The following PACSIN2 variants were observed in gnomAD, a reference collection of about 807,000 sequenced individuals.
PACSIN2 encodes protein kinase C and casein kinase substrate in neurons protein 2.
In PACSIN2, 25 loss-of-function variants were observed where a neutral mutation model predicts 63.8. That is an observed-to-expected ratio of 0.39 (90% CI 0.29 to 0.55). PACSIN2 has a LOEUF of 0.55. Ranked by LOEUF, PACSIN2 falls within the 20% of genes least tolerant of loss-of-function variation. The pLI is 0.62. For synonymous variants in PACSIN2, 255 were observed against 256.2 expected (o/e 1.00, Z 0.05); for missense variants, 518 against 646.9 (o/e 0.80, Z 2.16).
chr22:42,942,026 C>T (rs1201767027), intron 1 of PACSIN2, among the ~76,000 whole-genome samples: 1 of 152,046 alleles, frequency 6.6e-6, no homozygotes, highest in Non-Finnish European at 1.5e-5. Context: ...ATCTGCCCGC[C>T]TCTGCCTCCC....
chr22:42,971,439 C>A (rs1310030348), intron 1 of PACSIN2, among the ~76,000 whole-genome samples: 1 of 152,204 alleles, frequency 6.6e-6, no homozygotes, highest in Non-Finnish European at 1.5e-5. Context: ...TCGCTACAAC[C>A]CCCACCTCCC....
Position 43,010,006 on chromosome 22 carries a change from A to G in PACSIN2, c.-78+5015T>C, listed in dbSNP as rs761162806. On this transcript the variant is annotated intron_variant, in intron 1 of 10. Coordinates refer to ENST00000263246, the MANE Select transcript of PACSIN2 (RefSeq NM_001184970.3). ...TGCCTCAGCCTCCCGAGTAGCTGAGATTATAGGCGCACGCCACCATACCCG... is the reference window on the plus strand; with the variant it reads ...TGCCTCAGCCTCCCGAGTAGCTGAGGTTATAGGCGCACGCCACCATACCCG... Among the ~76,000 whole-genome samples, 249 of 151,064 alleles carry G rather than the reference A, an allele frequency of 1.6e-3. 2 individuals are homozygous for G. The highest frequency in any genetic ancestry group is 1.8e-3 in the Non-Finnish European group (125 of 67,812).
chr22:42,974,412 C>T (rs915969820), intron 1 of PACSIN2, among the ~76,000 whole-genome samples: 5 of 152,176 alleles, frequency 3.3e-5, no homozygotes, highest in African/African-American at 1.2e-4. Flanking sequence ...TCCCTCAATG[C>T]TCCTGGTCTA....
rs1439601860 is a variant in PACSIN2, at chr22:42,982,508, C to T, written c.-78+32513G>A. ...TGTGGATAGAAGTAGACATGGGAGACTTTTCATTTTGTTCTGTACTAAGAA... is the reference window on the plus strand; with the variant it reads ...TGTGGATAGAAGTAGACATGGGAGATTTTTCATTTTGTTCTGTACTAAGAA... On this transcript the variant is annotated intron_variant, in intron 1 of 10. Transcript: ENST00000263246. Among the ~76,000 whole-genome samples, 2 of 84,454 alleles carry T rather than the reference C, an allele frequency of 2.4e-5. 1 individual carries two copies. The highest frequency in any genetic ancestry group is 3.1e-4 in the Admixed American group (2 of 6,468). The allele number at this position is 84,454 out of a possible 152,430, so 55.4% of individuals were successfully genotyped here.
At chr22:42,974,378 C>T (rs1487855085) in intron 1 of PACSIN2, among the ~76,000 whole-genome samples, 1 of 152,194 alleles carries the variant, frequency 6.6e-6, no homozygotes, top group Non-Finnish European at 1.5e-5. Flanking sequence ...AGGATGCCAG[C>T]TCCCCTTTGC....
At chr22:43,014,950 A>G (rs1278981704) in intron 1 of PACSIN2, 71 bp downstream of exon 1, 1 of 149,662 alleles carries the variant, frequency 6.7e-6, no homozygotes, top group East Asian at 2.0e-4. Context: ...CCGGCCGCGG[A>G]CCAGCGCCCC....
At chr22:42,891,363 C>T (rs1201732810) in intron 3 of PACSIN2, among the ~76,000 whole-genome samples, 181 bp from the exon 4 acceptor site, 2 of 152,188 alleles carry the variant, frequency 1.3e-5, no homozygotes, top group Admixed American at 6.5e-5. Flanking sequence ...ATTTGCTCTG[C>T]CCCTCGTGTT....
At chr22:42,899,241 C>A (rs113997651) in intron 2 of PACSIN2, among the ~76,000 whole-genome samples, 1 of 152,186 alleles carries the variant, frequency 6.6e-6, no homozygotes, top group African/African-American at 2.4e-5. Flanking sequence ...AGAAAATGAA[C>A]GCGAATACCT....
At chr22:42,876,009 G>C (rs918588225) in intron 10 of PACSIN2, 128 bp downstream of exon 10, 1 of 732,854 alleles carries the variant, frequency 1.4e-6, no homozygotes, top group Admixed American at 2.9e-5. Context: ...AGGGCACTGG[G>C]GAAGGGCCTG....
chr22:42,994,950 T>A (rs939673615), intron 1 of PACSIN2, among the ~76,000 whole-genome samples: 1 of 152,138 alleles, frequency 6.6e-6, no homozygotes, highest in African/African-American at 2.4e-5. Flanking sequence ...TCACTGGACT[T>A]TACACCAGGA....
chr22:42,900,751 G>A (rs569755031), intron 2 of PACSIN2, among the ~76,000 whole-genome samples: 145 of 152,332 alleles, frequency 9.5e-4, no homozygotes, highest in South Asian at 2.5e-3. Context: ...TGGGATTACA[G>A]GCATGAGCCA....
At chr22:42,964,662 G>A (rs1326589448) in intron 1 of PACSIN2, among the ~76,000 whole-genome samples, 1 of 151,998 alleles carries the variant, frequency 6.6e-6, no homozygotes, top group Non-Finnish European at 1.5e-5. Context: ...TATGTACCTG[G>A]GTCCCTGAAC....
chr22:42,925,666 G>T (rs1932490823), intron 1 of PACSIN2, among the ~76,000 whole-genome samples: 1 of 152,204 alleles, frequency 6.6e-6, no homozygotes, highest in Admixed American at 6.5e-5. Flanking sequence ...AGGATTCAAA[G>T]ATGGAAAATA....
chr22:42,882,875 A>C (rs1332627024), intron 6 of PACSIN2, among the ~76,000 whole-genome samples: 2 of 151,964 alleles, frequency 1.3e-5, no homozygotes, highest in African/African-American at 2.4e-5. Context: ...TTCACTTATA[A>C]TCTTTATGGC....
rs139985921 is a variant in PACSIN2 at position 42,884,357 on chromosome 22, G to A, written c.785+29C>T. The stretch of plus-strand genomic sequence containing the variant: ...AGCACTTTCCGTTGACTTCAATGAC[G>A]TGTGTGTTTTAGCTCAAAGGAAACT... On this transcript the variant is annotated intron_variant, in intron 6 of 10. Coordinates refer to ENST00000263246, the MANE Select transcript of PACSIN2 (RefSeq NM_001184970.3). 378 of 1,594,518 alleles carry A rather than the reference G, an allele frequency of 2.4e-4. 3 individuals carry two copies. In the East Asian group the frequency reaches 6.8e-3, roughly 29 times the overall value.
intron 2 of PACSIN2, among the ~76,000 whole-genome samples, chr22:42,911,446 T>TA (rs1192336948): frequency 6.8e-6 from 1 of 147,486 alleles, no homozygotes; most frequent in Non-Finnish European, 1.5e-5. Flanking sequence ...TTCCATTAAC[T>TA]AGCAGGAAGG....
At chr22:43,006,770 G>A (rs758776267) in intron 1 of PACSIN2, among the ~76,000 whole-genome samples, 11 of 152,072 alleles carry the variant, frequency 7.2e-5, no homozygotes, top group South Asian at 6.2e-4. Flanking sequence ...AGCCGAAATC[G>A]CACCATTGTA....
At chr22:42,883,293 C>T (rs1157753307) in intron 6 of PACSIN2, among the ~76,000 whole-genome samples, 1 of 152,176 alleles carries the variant, frequency 6.6e-6, no homozygotes, top group East Asian at 1.9e-4. Flanking sequence ...CAGTGCCACC[C>T]ACTTTACAAG....
Position 42,932,361 on chromosome 22 carries a change from ACTCTTTT to A in PACSIN2, c.-77-20211_-77-20205del, listed in dbSNP as rs1285274243. ...ACCAACTCTAGCCTGTTACCTTCTA[ACTCTTTT>A]TATATTTCCTCAAAGCACATACCAC... On this transcript the variant is annotated intron_variant, in intron 1 of 10. Transcript: ENST00000263246. Among the ~76,000 whole-genome samples, 11 of 151,930 alleles carry A rather than the reference ACTCTTTT, an allele frequency of 7.2e-5. No individual in the cohort carries two copies. In the East Asian group the frequency reaches 1.7e-3, roughly 24 times the overall value.
Sources: allele counts gnomAD v4.1 joint callset (sites outside exome capture counted in the v4.1 genomes callset), GRCh38; gene constraint gnomAD v4.1.1; transcripts MANE v1.5; gene names NCBI Gene and HGNC (gene_info 2026-07-23, HGNC 2026-07-21).